CACNA1D: variants seen among roughly 807,000 people sequenced by gnomAD.
The protein encoded by CACNA1D is calcium voltage-gated channel subunit alpha1 D.
A neutral mutation model predicts 257.1 loss-of-function variants in CACNA1D; 55 were observed. The ratio of observed to expected loss-of-function variants is 0.21; its 90% CI spans 0.17 to 0.27. CACNA1D has a LOEUF of 0.27. CACNA1D is among the 10% of genes least tolerant of loss of function. The pLI is 1.00. For missense variants in CACNA1D, 1,876 were observed against 2,784.0 expected, an observed-to-expected ratio of 0.67 and a Z score of 7.34; for synonymous variants, 980 against 1,014.9, an observed-to-expected ratio of 0.97 and a Z score of 0.65.
At chr3:53,540,324 C>T (rs1174447878) in intron 3 of CACNA1D, among the ~76,000 whole-genome samples, 1 of 150,964 alleles carries the variant, frequency 6.6e-6, no homozygotes, top group Non-Finnish European at 1.5e-5. Context: ...CAGGGTTTCA[C>T]CATGTTGGCC....
intron 3 of CACNA1D, among the ~76,000 whole-genome samples, chr3:53,544,773 G>A (rs1473609655): frequency 1.3e-5 from 2 of 152,192 alleles, no homozygotes; most frequent in Non-Finnish European, 2.9e-5. Flanking sequence ...GGGCATCTGG[G>A]TTAAAGGCCC....
chr3:53,779,798 C>G (rs2095416553), intron 37 of CACNA1D, among the ~76,000 whole-genome samples: 1 of 152,232 alleles, frequency 6.6e-6, no homozygotes, highest in African/African-American at 2.4e-5. Flanking sequence ...TCTGGAAAAA[C>G]CCTCGCAGAC....
Position 53,719,753 on chromosome 3 carries a change from A to G in CACNA1D, c.1479-2A>G. 6.2e-7 allele frequency: 1 copy of G among 1,613,716 alleles called. No homozygotes were observed. The highest frequency in any genetic ancestry group is 8.5e-7 in the Non-Finnish European group (1 of 1,179,602). On this transcript the variant is annotated splice_acceptor_variant, in intron 10 of 47. Coordinates refer to ENST00000350061, the MANE Select transcript of CACNA1D (RefSeq NM_001128840.3). LOFTEE classifies it high-confidence loss of function. ...TCTTAACACTTTTTGTCTTTCTTTC[A>G]GTCAAGCCATCTCAAAATCCAAACT...
At chr3:53,593,872 C>T (rs752886777) in intron 3 of CACNA1D, among the ~76,000 whole-genome samples, 8 of 152,140 alleles carry the variant, frequency 5.3e-5, no homozygotes, top group African/African-American at 1.7e-4. Context: ...GGGTCACCAG[C>T]GGAGATGGCT....
At chr3:53,653,887 T>C (rs1042138935) in intron 4 of CACNA1D, among the ~76,000 whole-genome samples, 8 of 151,880 alleles carry the variant, frequency 5.3e-5, no homozygotes, top group Admixed American at 1.3e-4. Context: ...ATCAAGCACA[T>C]CATAATTGTA....
Position 53,776,653 on chromosome 3 carries a change from C to A in CACNA1D, c.4413C>A (p.Thr1471=), listed in dbSNP as rs757667096. Reference sequence around the variant, plus strand: ...TCATGGATAATTTCGACTATCTGACCCGGGACTGGTCTATTTTGGGGCCTC... The same window carrying A: ...TCATGGATAATTTCGACTATCTGACACGGGACTGGTCTATTTTGGGGCCTC... ...AVIMDNFDYL[T]RDWSILGPHH... Residue 1471 remains threonine (T), a synonymous_variant, in exon 36 of 48, where the codon ACC becomes ACA. Coordinates refer to ENST00000350061, the MANE Select transcript of CACNA1D (RefSeq NM_001128840.3). 1 of 1,614,118 alleles carries A rather than the reference C, an allele frequency of 6.2e-7. No individual in the cohort carries two copies. The highest frequency in any genetic ancestry group is 1.7e-5 in the Admixed American group (1 of 60,020).
chr3:53,619,911 C>G (rs2093677511), intron 3 of CACNA1D, among the ~76,000 whole-genome samples: 1 of 152,178 alleles, frequency 6.6e-6, no homozygotes, highest in African/African-American at 2.4e-5. Flanking sequence ...TGGCCCTGTG[C>G]TAAGCATTGG....
At chr3:53,656,203 C>A (rs908357119) in intron 4 of CACNA1D, among the ~76,000 whole-genome samples, 1 of 152,164 alleles carries the variant, frequency 6.6e-6, no homozygotes, top group Non-Finnish European at 1.5e-5. Context: ...AATTTGAAGT[C>A]AAGTAGTGTG....
chr3:53,666,562 G>A, intron 7 of CACNA1D, 27 bp downstream of exon 7: 1 of 1,585,272 alleles, frequency 6.3e-7, no homozygotes, highest in Non-Finnish European at 8.7e-7. Flanking sequence ...GAGAGTTTAT[G>A]GAGTGTTCTT....
intron 3 of CACNA1D, among the ~76,000 whole-genome samples, chr3:53,545,729 A>G (rs1350949886): frequency 6.6e-6 from 1 of 152,188 alleles, no homozygotes; most frequent in Non-Finnish European, 1.5e-5. Flanking sequence ...CAATTAGCCA[A>G]ACCTGGACAC....
chr3:53,579,220 A>G (rs1037361895), intron 3 of CACNA1D, among the ~76,000 whole-genome samples: 5 of 152,244 alleles, frequency 3.3e-5, no homozygotes, highest in Non-Finnish European at 4.4e-5. Context: ...AGTCTCATTC[A>G]ACGAATGTGA....
intron 3 of CACNA1D, among the ~76,000 whole-genome samples, chr3:53,510,355 A>G (rs941241418): frequency 2.0e-5 from 3 of 152,208 alleles, no homozygotes; most frequent in African/African-American, 7.2e-5. Context: ...TTCCCACTCA[A>G]TAGACCTTAC....
intron 3 of CACNA1D, among the ~76,000 whole-genome samples, chr3:53,588,702 C>A (rs184986533): frequency 9.2e-5 from 14 of 152,228 alleles, no homozygotes; most frequent in Admixed American, 8.5e-4. Context: ...TCTTTTTTAC[C>A]TTTCAGTTTT....
At chr3:53,727,689 G>A (rs2094949281) in intron 15 of CACNA1D, among the ~76,000 whole-genome samples, 1 of 152,012 alleles carries the variant, frequency 6.6e-6, no homozygotes. Context: ...CCTAGCACCA[G>A]ACCTGGTACA....
chr3:53,511,339 G>C (rs2091098816), intron 3 of CACNA1D, among the ~76,000 whole-genome samples: 1 of 152,114 alleles, frequency 6.6e-6, no homozygotes. Flanking sequence ...TGGCCTCAAG[G>C]TTTCCCAGCA....
intron 3 of CACNA1D, among the ~76,000 whole-genome samples, chr3:53,548,569 G>A (rs2092464270): frequency 6.6e-6 from 1 of 152,024 alleles, no homozygotes; most frequent in Non-Finnish European, 1.5e-5. Flanking sequence ...GCAGGTGGTG[G>A]CTCCAGAGTC....
At chr3:53,590,095 C>G (rs1401089850) in intron 3 of CACNA1D, among the ~76,000 whole-genome samples, 1 of 152,238 alleles carries the variant, frequency 6.6e-6, no homozygotes, top group African/African-American at 2.4e-5. Context: ...GCAGGACATC[C>G]CAGCCCTGGA....
At chr3:53,688,804 C>G (rs778694230) in intron 8 of CACNA1D, among the ~76,000 whole-genome samples, 1 of 152,188 alleles carries the variant, frequency 6.6e-6, no homozygotes, top group Non-Finnish European at 1.5e-5. Flanking sequence ...TAAAATAAAT[C>G]TTGGTTTAAG....
chr3:53,730,643 TC>T lies in CACNA1D; in HGVS notation c.2336+88del, dbSNP rs200545333. The T allele has an allele frequency of 0.026, 25,783 of 990,892 alleles. 521 individuals are homozygous for T. The highest frequency in any genetic ancestry group is 0.083 in the East Asian group (3,222 of 38,906). 61.4% of individuals were successfully genotyped at this position (990,892 alleles called of 1,614,324 possible). On this transcript the variant is annotated intron_variant, in intron 16 of 47. Coordinates refer to ENST00000350061, the MANE Select transcript of CACNA1D (RefSeq NM_001128840.3). ...GCAGCCTGCCAGGCTTACCCCCGCA[TC>T]ACGGCAGCTGCAGCCCCCGGGTTGC...
Sources: gnomAD v4.1 joint callset for allele counts (sites outside exome capture counted in the v4.1 genomes callset) on GRCh38, gnomAD v4.1.1 for gene constraint, MANE v1.5 for transcripts, NCBI Gene and HGNC (gene_info 2026-07-23, HGNC 2026-07-21) for gene names.